RGPD1: variants seen among roughly 807,000 people sequenced by gnomAD.
RGPD1 encodes RANBP2-like and GRIP domain-containing protein 1.
A neutral mutation model predicts 40.6 loss-of-function variants in RGPD1; 7 were observed. The observed-to-expected ratio is 0.17, with a 90% CI of 0.10 to 0.32. The LOEUF is 0.32. Among genes scored for constraint, RGPD1 ranks in the 10% least tolerant of loss-of-function variants. The pLI, the probability that RGPD1 is intolerant of heterozygous loss-of-function variation, is 1.00. For missense variants in RGPD1, 50 were observed against 472.5 expected, an observed-to-expected ratio of 0.11 and a Z score of 8.29; for synonymous variants, 24 against 167.0, an observed-to-expected ratio of 0.14 and a Z score of 6.60.
upstream of RGPD1, among the ~76,000 whole-genome samples, chr2:86,941,431 A>C (rs1679740183): frequency 1.4e-5 from 2 of 147,334 alleles, no homozygotes; most frequent in African/African-American, 5.1e-5. Flanking sequence ...TCTGGTGCCC[A>C]GGATGGAATG....
At chr2:86,926,058 C>T (rs536306577) in intron 1 of RGPD1, among the ~76,000 whole-genome samples, 2 of 152,402 alleles carry the variant, frequency 1.3e-5, no homozygotes, top group Admixed American at 6.5e-5. Flanking sequence ...TAGTAGAGGA[C>T]TTTTGCATAA....
chr2:86,914,644 GGGCGGCGGC>G (rs1181852229), intron 1 of RGPD1, among the ~76,000 whole-genome samples: 5 of 7,562 alleles, frequency 6.6e-4, no homozygotes, highest in African/African-American at 4.8e-3. Flanking sequence ...CGACCTGGCC[GGGCGGCGGC>G]GGCGGCGGCG....
chr2:86,931,573 T>C (rs1678965431), intron 1 of RGPD1, among the ~76,000 whole-genome samples: 1 of 152,062 alleles, frequency 6.6e-6, no homozygotes, highest in Admixed American at 6.5e-5. Flanking sequence ...GAGCAAGCTT[T>C]CTCTATTATA....
intron 1 of RGPD1, among the ~76,000 whole-genome samples, 158 bp downstream of exon 1, chr2:86,942,466 C>CCGACCTCGACCTGGCCGGGCGGCGGCGG (rs1679900083): frequency 1.9e-5 from 1 of 53,610 alleles, no homozygotes; most frequent in Admixed American, 2.0e-4. Context: ...TGTTGAGGCG[C>CCGACCTCGACCTGGCCGGGCGGCGGCGG]CGGCCTCGAC....
intron 1 of RGPD1, among the ~76,000 whole-genome samples, chr2:86,924,094 TA>T (rs1212522681): frequency 1.2e-5 from 1 of 86,442 alleles, no homozygotes. Context: ...TTTTTTTTTT[TA>T]AGTCATGAAT....
chr2:86,939,546 T>TAAGGG (rs1464762015), upstream of RGPD1, among the ~76,000 whole-genome samples: 2 of 132,600 alleles, frequency 1.5e-5, no homozygotes, highest in East Asian at 4.2e-4. Context: ...GCCACTGGAG[T>TAAGGG]CCAGCCTGGA....
At chr2:86,996,819 G>T (rs1681792852) in intron 21 of RGPD1, among the ~76,000 whole-genome samples, 1 of 94,306 alleles carries the variant, frequency 1.1e-5, no homozygotes. Context: ...CGTCTTAACT[G>T]CCTGGGACTT....
intron 6 of RGPD1, among the ~76,000 whole-genome samples, chr2:86,960,519 T>C (rs1306823136): frequency 1.9e-5 from 2 of 105,242 alleles, no homozygotes; most frequent in Non-Finnish European, 3.6e-5. Context: ...GCCACCGCGC[T>C]CAGCCCACAC....
chr2:86,945,364 T>G (rs2104779139), intron 1 of RGPD1, among the ~76,000 whole-genome samples: 1 of 152,038 alleles, frequency 6.6e-6, no homozygotes, highest in East Asian at 1.9e-4. Context: ...TTGAGTGAAA[T>G]GACAAAACAG....
upstream of RGPD1, among the ~76,000 whole-genome samples, chr2:86,941,646 G>A (rs1243565565): frequency 6.6e-6 from 1 of 151,582 alleles, no homozygotes; most frequent in Non-Finnish European, 1.5e-5. Context: ...GGAGGGGCCT[G>A]CATATAGAGA....
chr2:86,924,818 ATTTCT>A (rs1158808068), intron 1 of RGPD1, among the ~76,000 whole-genome samples: 1 of 151,248 alleles, frequency 6.6e-6, no homozygotes, highest in African/African-American at 2.4e-5. Flanking sequence ...TGTAATTTTA[ATTTCT>A]TTTAATTTAA....
At chr2:86,920,173 G>A (rs1430778728) in intron 1 of RGPD1, among the ~76,000 whole-genome samples, 11 of 152,000 alleles carry the variant, frequency 7.2e-5, no homozygotes, top group Admixed American at 2.0e-4. Context: ...AAGTTGAAGC[G>A]ATTCTTGTGC....
At chr2:86,918,447 C>A (rs1358312990) in intron 1 of RGPD1, among the ~76,000 whole-genome samples, 1 of 137,352 alleles carries the variant, frequency 7.3e-6, no homozygotes, top group African/African-American at 2.9e-5. Context: ...GCCTTGCACA[C>A]CAAATCTTTT....
At chr2:86,929,493 G>C (rs1157156465) in intron 1 of RGPD1, among the ~76,000 whole-genome samples, 4 of 151,924 alleles carry the variant, frequency 2.6e-5, no homozygotes, top group Middle Eastern at 3.4e-3. Context: ...CATTTGTTTA[G>C]CACTTGCTAT....
intron 1 of RGPD1, among the ~76,000 whole-genome samples, chr2:86,943,060 C>G (rs1012325283): frequency 3.3e-5 from 5 of 151,120 alleles, no homozygotes; most frequent in Non-Finnish European, 7.4e-5. Flanking sequence ...CGGCGGAGGT[C>G]GTACCTCCTT....
At chr2:86,928,696 TGAG>T (rs1018525175) in intron 1 of RGPD1, among the ~76,000 whole-genome samples, 19 of 152,286 alleles carry the variant, frequency 1.2e-4, no homozygotes, top group Admixed American at 1.2e-3. Context: ...AGAAATCAGA[TGAG>T]GACTTGACGA....
At position 86,979,270 on chromosome 2, in the gene RGPD1, AC is replaced by A. The variant is rs1453993245; in HGVS notation, c.2463+1340del. ...TGTGTAGTCATGGCCTATGACAATT[AC>A]ATACAATTTTGACTTAACATACAGG... On this transcript the variant is annotated intron_variant, in intron 17 of 22. Transcript: ENST00000641458. Among the ~76,000 whole-genome samples the A allele has an allele frequency of 2.1e-3, 120 of 57,112 alleles. 25 individuals carry two copies. The highest frequency in any genetic ancestry group is 2.6e-3 in the Non-Finnish European group (87 of 34,012). 37.5% of individuals were successfully genotyped at this position (57,112 alleles called of 152,430 possible).
Position 86,923,041 on chromosome 2 carries a change from T to G in RGPD1, c.72+9120T>G, listed in dbSNP as rs1160671633. On this transcript the variant is annotated intron_variant, in intron 1 of 22. Transcript: ENST00000398193. ...GGTTCCATGGTATATTCCTTTTTTT[T>G]TTTTTTTTTTTTTTGAGACGGAGTA... Among the ~76,000 whole-genome samples the G allele has an allele frequency of 5.1e-5, 6 of 117,816 alleles. No homozygotes were observed. In the East Asian group the frequency reaches 1.4e-3, roughly 27 times the overall value. 77.3% of individuals were successfully genotyped at this position (117,816 alleles called of 152,430 possible).
At chr2:86,925,758 A>ATT (rs1678443498) in intron 1 of RGPD1, among the ~76,000 whole-genome samples, 1 of 151,954 alleles carries the variant, frequency 6.6e-6, no homozygotes, top group South Asian at 2.1e-4. Context: ...GTTTAAAGAA[A>ATT]TAGAGTCTCG....
Sources: allele counts gnomAD v4.1 joint callset (sites outside exome capture counted in the v4.1 genomes callset), GRCh38; gene constraint gnomAD v4.1.1; transcripts MANE v1.5; gene names NCBI Gene and HGNC (gene_info 2026-07-23, HGNC 2026-07-21).